PXDNL: variants seen among roughly 807,000 people sequenced by gnomAD.
The protein encoded by PXDNL is peroxidasin like.
A neutral mutation model predicts 150.8 loss-of-function variants in PXDNL; 145 were observed. That is an observed-to-expected ratio of 0.96 (90% CI 0.84 to 1.10). The LOEUF is 1.10. Among genes scored for constraint, PXDNL ranks in the 50% least tolerant of loss-of-function variants. The probability of loss-of-function intolerance (pLI) is 0.00; values close to 1 mark genes in which losing one functional copy is unlikely to be tolerated. For missense variants in PXDNL, 2,087 were observed against 1,873.9 expected (o/e 1.11, Z -2.10); for synonymous variants, 757 against 725.7 (o/e 1.04, Z -0.69).
At chr8:51,422,356 C>G (rs1808978266) in intron 14 of PXDNL, among the ~76,000 whole-genome samples, 1 of 152,160 alleles carries the variant, frequency 6.6e-6, no homozygotes, top group Admixed American at 6.5e-5. Flanking sequence ...AAACCAGTTC[C>G]TGGTGCCAAA....
At chr8:51,635,309 C>T (rs1814584241) in intron 2 of PXDNL, among the ~76,000 whole-genome samples, 1 of 151,956 alleles carries the variant, frequency 6.6e-6, no homozygotes, top group African/African-American at 2.4e-5. Flanking sequence ...CCTAACTTTA[C>T]ATCTGAAGGA....
intron 1 of PXDNL, among the ~76,000 whole-genome samples, chr8:51,771,893 C>T (rs2037299457): frequency 6.6e-6 from 1 of 152,126 alleles, no homozygotes; most frequent in Non-Finnish European, 1.5e-5. Context: ...GCCTCCCTCT[C>T]CTCCAGCTGT....
chr8:51,644,761 T>G (rs1324942415), intron 2 of PXDNL, among the ~76,000 whole-genome samples: 2 of 151,864 alleles, frequency 1.3e-5, no homozygotes, highest in African/African-American at 4.8e-5. Flanking sequence ...CGGGATGATA[T>G]TTATATTTTT....
At chr8:51,482,672 G>A (rs1447237574) in intron 6 of PXDNL, among the ~76,000 whole-genome samples, 1 of 152,146 alleles carries the variant, frequency 6.6e-6, no homozygotes, top group Non-Finnish European at 1.5e-5. Flanking sequence ...TAGTGAATAA[G>A]TCTCATGAGA....
chr8:51,478,054 T>G (rs1221779638), intron 6 of PXDNL, among the ~76,000 whole-genome samples: 1 of 152,164 alleles, frequency 6.6e-6, no homozygotes, highest in Non-Finnish European at 1.5e-5. Flanking sequence ...TACTTTTATA[T>G]GATAATCTGA....
intron 12 of PXDNL, among the ~76,000 whole-genome samples, chr8:51,426,976 A>G (rs1352891925): frequency 1.3e-5 from 2 of 152,220 alleles, no homozygotes; most frequent in Non-Finnish European, 2.9e-5. Flanking sequence ...AAAGGAATGC[A>G]CTGAAACTTT....
chr8:51,713,021 G>T (rs1816531496), intron 1 of PXDNL, among the ~76,000 whole-genome samples: 1 of 152,172 alleles, frequency 6.6e-6, no homozygotes. Flanking sequence ...CTAATTTTAA[G>T]ATTATTTTTA....
intron 1 of PXDNL, among the ~76,000 whole-genome samples, chr8:51,782,534 A>G (rs979470380): frequency 7.2e-5 from 11 of 152,256 alleles, no homozygotes; most frequent in Admixed American, 5.9e-4. Context: ...TTATTGCTAC[A>G]GTGCAGGGCA....
chr8:51,541,312 C>T (rs181754870), intron 4 of PXDNL, among the ~76,000 whole-genome samples: 77 of 151,132 alleles, frequency 5.1e-4, no homozygotes, highest in Admixed American at 3.2e-3. Flanking sequence ...TTCTTGGGAT[C>T]GGTTTGATCC....
intron 17 of PXDNL, among the ~76,000 whole-genome samples, chr8:51,375,852 C>A (rs899108601): frequency 6.6e-6 from 1 of 152,188 alleles, no homozygotes; most frequent in Non-Finnish European, 1.5e-5. Flanking sequence ...TCTGTTGCAA[C>A]TACCCAACTC....
At chr8:51,807,303 G>A (rs746234185) in intron 1 of PXDNL, among the ~76,000 whole-genome samples, 2 of 152,138 alleles carry the variant, frequency 1.3e-5, no homozygotes, top group Non-Finnish European at 2.9e-5. Flanking sequence ...AGAGCAAGAG[G>A]AAGAGAGACG....
chr8:51,662,453 G>C lies in PXDNL; in HGVS notation c.165-7693C>G, dbSNP rs907158544. ...GAATCTCTTGAACCCAGGAGGTGGA[G>C]TGAGCTGAGATTGTGCCACTGCACT... On this transcript the variant is annotated intron_variant, in intron 1 of 22. Transcript: ENST00000356297. 7.9e-5 allele frequency among the ~76,000 whole-genome samples: 12 copies of C among 152,210 alleles called. No individual in the cohort carries two copies. In the East Asian group the frequency reaches 1.9e-3, roughly 24 times the overall value.
At chr8:51,363,455 A>G (rs1806815884) in intron 19 of PXDNL, among the ~76,000 whole-genome samples, 2 of 151,998 alleles carry the variant, frequency 1.3e-5, no homozygotes, top group South Asian at 4.1e-4. Flanking sequence ...AGGGCTTACA[A>G]CTCTAGGGGT....
intron 5 of PXDNL, among the ~76,000 whole-genome samples, chr8:51,496,184 T>G (rs950745249): frequency 6.6e-6 from 1 of 152,162 alleles, no homozygotes; most frequent in Non-Finnish European, 1.5e-5. Context: ...AAAAACCATA[T>G]GATTATCTCA....
intron 15 of PXDNL, 66 bp downstream of exon 15, chr8:51,413,084 G>T: frequency 2.1e-6 from 2 of 967,920 alleles, no homozygotes; most frequent in Non-Finnish European, 1.7e-6. Context: ...GACTTATGGA[G>T]ATGATAAAAA....
chr8:51,323,714 G>A (rs924195898), intron 21 of PXDNL, among the ~76,000 whole-genome samples: 5 of 151,990 alleles, frequency 3.3e-5, no homozygotes, highest in African/African-American at 1.2e-4. Flanking sequence ...AGAAGTTCAA[G>A]ACCAGCCGGG....
chr8:51,597,361 T>C (rs1813592535), intron 2 of PXDNL, among the ~76,000 whole-genome samples: 1 of 152,134 alleles, frequency 6.6e-6, no homozygotes, highest in Admixed American at 6.6e-5. Context: ...TTGTTCTTTT[T>C]TTAAGATTGC....
chr8:51,533,674 A>C (rs1811966377), intron 4 of PXDNL, among the ~76,000 whole-genome samples: 1 of 148,100 alleles, frequency 6.8e-6, no homozygotes, highest in Non-Finnish European at 1.5e-5. Flanking sequence ...TTTGGTGGAG[A>C]CGGGGTTTTG....
At chr8:51,418,926 G>T (rs1808874099) in intron 14 of PXDNL, among the ~76,000 whole-genome samples, 1 of 152,142 alleles carries the variant, frequency 6.6e-6, no homozygotes, top group Admixed American at 6.6e-5. Context: ...AAGAGAAGTG[G>T]AAAAGAAGCA....
Sources: allele counts gnomAD v4.1 joint callset (sites outside exome capture counted in the v4.1 genomes callset), GRCh38; gene constraint gnomAD v4.1.1; transcripts MANE v1.5; gene names NCBI Gene and HGNC (gene_info 2026-07-23, HGNC 2026-07-21).